RICTOR: variants seen among roughly 807,000 people sequenced by gnomAD.
The protein encoded by RICTOR is RPTOR independent companion of MTOR complex 2, also known as rapamycin-insensitive companion of mTOR.
In RICTOR, 49 loss-of-function variants were observed where a neutral mutation model predicts 214.9. The ratio of observed to expected loss-of-function variants is 0.23; its 90% CI spans 0.18 to 0.29. The LOEUF (loss-of-function observed/expected upper bound fraction) is 0.29. RICTOR is among the 10% of genes least tolerant of loss of function. The pLI is 1.00. For synonymous variants in RICTOR, 717 were observed against 711.3 expected (o/e 1.01, Z -0.13); for missense variants, 1,625 against 2,047.0 (o/e 0.79, Z 3.98).
chr5:39,027,373 T>C lies in RICTOR; in HGVS notation c.98-6237A>G, dbSNP rs75440817. On this transcript the variant is annotated intron_variant, in intron 2 of 37. Transcript: ENST00000357387. ...CTTCTCTAAATGAGTATAAAAAACA[T>C]GCACAAAATGAGAGGAACTGAAAAA... Among the ~76,000 whole-genome samples, 9 of 152,000 alleles carry C rather than the reference T, an allele frequency of 5.9e-5. No individual in the cohort carries two copies. The East Asian group carries it at 1.7e-3, about 29-fold the overall frequency.
In RICTOR at chr5:38,941,901, G is replaced by C. The variant is rs1203543454; in HGVS notation, c.*403C>G. 1 of 234,322 alleles carries C rather than the reference G, an allele frequency of 4.3e-6. No individual in the cohort carries two copies. Among genetic ancestry groups the C allele is most frequent in the East Asian group, 6.0e-5 (1 of 16,544 alleles). The allele number at this position is 234,322 out of a possible 1,614,324, so 14.5% of individuals were successfully genotyped here. ...TTCCACAAGTTAGTTAACAAACAAG[G>C]CATCTGTATTATTTACCCTAAAAAT... is the stretch of plus-strand genomic sequence containing the variant. On this transcript the variant is annotated 3_prime_UTR_variant, in exon 38 of 38. Transcript: ENST00000357387.
chr5:39,066,230 C>T (rs1215280150), intron 2 of RICTOR, among the ~76,000 whole-genome samples: 1 of 152,268 alleles, frequency 6.6e-6, no homozygotes, highest in Non-Finnish European at 1.5e-5. Context: ...AGTCTTATGG[C>T]TTGCACCCTT....
chr5:39,016,132 G>T (rs894305534), intron 3 of RICTOR, among the ~76,000 whole-genome samples: 1 of 152,090 alleles, frequency 6.6e-6, no homozygotes, highest in Non-Finnish European at 1.5e-5. Context: ...TAAAATCATG[G>T]CAACATAGCA....
intron 2 of RICTOR, 55 bp downstream of exon 2, chr5:39,074,056 A>C (rs2150229523): frequency 2.9e-6 from 4 of 1,372,524 alleles, no homozygotes; most frequent in Non-Finnish European, 2.9e-6. Flanking sequence ...CCAGCCCCGG[A>C]CCCGGCTCCT....
At chr5:39,007,586 T>A (rs1754179030) in intron 3 of RICTOR, among the ~76,000 whole-genome samples, 1 of 151,946 alleles carries the variant, frequency 6.6e-6, no homozygotes, top group African/African-American at 2.4e-5. Flanking sequence ...TGAAACAAAT[T>A]GAGGAAAAAC....
intron 2 of RICTOR, among the ~76,000 whole-genome samples, chr5:39,035,346 G>C (rs1333012858): frequency 6.6e-6 from 1 of 152,012 alleles, no homozygotes; most frequent in Non-Finnish European, 1.5e-5. Context: ...AAAGACCTAA[G>C]GTAGATAAAA....
chr5:38,993,985 A>C (rs1346576750), intron 6 of RICTOR, among the ~76,000 whole-genome samples: 1 of 152,134 alleles, frequency 6.6e-6, no homozygotes, highest in Non-Finnish European at 1.5e-5. Flanking sequence ...GATCAAGACC[A>C]TCCTGGTTAA....
At chr5:39,001,179 A>G (rs1430741920) in intron 5 of RICTOR, among the ~76,000 whole-genome samples, 1 of 152,080 alleles carries the variant, frequency 6.6e-6, no homozygotes, top group Non-Finnish European at 1.5e-5. Context: ...TCACATTAAC[A>G]GATATCAAAA....
Position 38,938,247 on chromosome 5 carries a change from A to T in RICTOR, c.*4057T>A, listed in dbSNP as rs1747182707. On this transcript the variant is annotated 3_prime_UTR_variant, in exon 38 of 38. Transcript: ENST00000357387. ...GTAGCAGCGTATTACTAAATAAAAA[A>T]GAAGAAACTCATGTGGTTAGAGAGC... The T allele has an allele frequency of 4.4e-6, 1 of 226,826 alleles. No individual in the cohort carries two copies. The highest frequency in any genetic ancestry group is 8.8e-6 in the Non-Finnish European group (1 of 113,808). 14.1% of individuals were successfully genotyped at this position (226,826 alleles called of 1,614,324 possible). A position where few individuals can be genotyped will look rare whatever the true frequency, so the allele number is the denominator to read the frequency against.
chr5:38,964,667 C>T, intron 16 of RICTOR, 125 bp downstream of exon 16: 1 of 471,670 alleles, frequency 2.1e-6, no homozygotes. Flanking sequence ...TTTCCTTTAG[C>T]AAATTCCTTA....
At chr5:38,960,366 C>T (rs1277603149) in intron 20 of RICTOR, 32 bp downstream of exon 20, 1 of 1,599,878 alleles carries the variant, frequency 6.3e-7, no homozygotes, top group Non-Finnish European at 8.5e-7. Context: ...CAATAAAAAA[C>T]ATTTGCTCTG....
intron 34 of RICTOR, 70 bp from the exon 35 acceptor site, chr5:38,945,138 T>TA: frequency 9.7e-7 from 1 of 1,033,794 alleles, no homozygotes; most frequent in Non-Finnish European, 1.4e-6. Context: ...CATTGCATGC[T>TA]AAAAAGAAAT....
Position 38,945,529 on chromosome 5 carries a change from T to G in RICTOR, c.4595A>C (p.Gln1532Pro), listed in dbSNP as rs1561437076. ...TATTGCACTCAGTTGGTTGCTGGGC[T>G]GGAAACCCAGAATTTCAATACAGAC... is the stretch of plus-strand genomic sequence containing the variant. The part of the protein sequence containing the change: ...YCVCIEILGF[Q>P]PSNQLSAICS... The change falls in exon 34 of 38, where the codon CAG (glutamine) becomes CCG (proline). Residue 1532 changes from glutamine (Q) to proline (P), a missense_variant. Physicochemically the swap from Gln to Pro is moderately conservative, Grantham distance 76. Coordinates refer to ENST00000357387, the MANE Select transcript of RICTOR (RefSeq NM_152756.5). 1 of 1,614,130 alleles carries G rather than the reference T, an allele frequency of 6.2e-7. No individual in the cohort carries two copies.
intron 2 of RICTOR, among the ~76,000 whole-genome samples, chr5:39,047,966 A>G (rs1330015109): frequency 6.6e-6 from 1 of 152,258 alleles, no homozygotes; most frequent in African/African-American, 2.4e-5. Context: ...AGTAAACCAT[A>G]TTGCCCCAGA....
chr5:38,960,255 G>A (rs1749679171), intron 20 of RICTOR, 143 bp downstream of exon 20: 1 of 850,834 alleles, frequency 1.2e-6, no homozygotes, highest in Admixed American at 2.4e-5. Context: ...TCAACTCTAG[G>A]TCTGGGATCA....
chr5:38,964,031 CTT>C (rs1750013952), intron 16 of RICTOR, among the ~76,000 whole-genome samples: 3 of 151,600 alleles, frequency 2.0e-5, no homozygotes, highest in South Asian at 2.1e-4. Context: ...TACTATAACT[CTT>C]AACAAAAATA....
chr5:39,071,927 C>T (rs551893946), intron 2 of RICTOR, among the ~76,000 whole-genome samples: 1 of 152,332 alleles, frequency 6.6e-6, no homozygotes, highest in African/African-American at 2.4e-5. Context: ...TCAGCTGCAA[C>T]CCAAACTGCC....
rs1010056876 is a variant in RICTOR, at chr5:39,060,964, G to T, written c.97+13147C>A. ...CCCATTTTCCTCATCAGTTACACAG[G>T]TGTATTAATACATATTCTCCTAAGT... On this transcript the variant is annotated intron_variant, in intron 2 of 37. Coordinates refer to ENST00000357387, the MANE Select transcript of RICTOR (RefSeq NM_152756.5). Among the ~76,000 whole-genome samples, 125 of 152,032 alleles carry T rather than the reference G, an allele frequency of 8.2e-4. 1 individual carries two copies. The highest frequency in any genetic ancestry group is 2.9e-3 in the African/African-American group (120 of 41,516).
rs1750307021 is a variant in RICTOR at position 38,967,210 on chromosome 5, T to C, written c.1169A>G (p.Asn390Ser). 3 of 1,613,058 alleles carry C rather than the reference T, an allele frequency of 1.9e-6. No individual in the cohort carries two copies. The African/African-American group carries it at 4.0e-5, about 21-fold the overall frequency. The change falls in exon 14 of 38, where the codon AAT (asparagine) becomes AGT (serine). Residue 390 changes from asparagine (N) to serine (S), a missense_variant. Asn to Ser is a conservative substitution (Grantham distance 46). Transcript: ENST00000357387. Reference sequence around the variant, plus strand: ...TGCAGAGAGTATCAGTGCCAAATAATTATCCATGAGGTCTGGCCTGGAAAA... The same window carrying C: ...TGCAGAGAGTATCAGTGCCAAATAACTATCCATGAGGTCTGGCCTGGAAAA... ...RARSRPDLMD[N>S]YLALILSAFI...
Sources: allele counts gnomAD v4.1 joint callset (sites outside exome capture counted in the v4.1 genomes callset), GRCh38; gene constraint gnomAD v4.1.1; transcripts MANE v1.5; gene names NCBI Gene and HGNC (gene_info 2026-07-23, HGNC 2026-07-21).